The following NEK10 variants were observed in gnomAD, a reference collection of about 807,000 sequenced individuals.
The protein encoded by NEK10 is NIMA related kinase 10, also known as serine/threonine-protein kinase Nek10.
A neutral mutation model predicts 159.8 loss-of-function variants in NEK10; 122 were observed. That is an observed-to-expected ratio of 0.76 (90% CI 0.66 to 0.89). The LOEUF (loss-of-function observed/expected upper bound fraction) is 0.89, where lower values mean the gene tolerates loss of function less well. Among genes scored for constraint, NEK10 ranks in the 40% least tolerant of loss-of-function variants. The pLI, the probability that NEK10 is intolerant of heterozygous loss-of-function variation, is 0.00. For missense variants in NEK10, 1,342 were observed against 1,323.1 expected, an observed-to-expected ratio of 1.01 and a Z score of -0.22; for synonymous variants, 466 against 457.1, an observed-to-expected ratio of 1.02 and a Z score of -0.25.
At chr3:27,170,112 C>T (rs1946818257) in intron 29 of NEK10, among the ~76,000 whole-genome samples, 1 of 152,174 alleles carries the variant, frequency 6.6e-6, no homozygotes. Flanking sequence ...CCCCCTGTCA[C>T]ATAAGTTAGC....
At chr3:27,166,221 T>C (rs1431652462) in intron 29 of NEK10, among the ~76,000 whole-genome samples, 1 of 152,220 alleles carries the variant, frequency 6.6e-6, no homozygotes, top group Non-Finnish European at 1.5e-5. Context: ...CTCCTATTTA[T>C]CTATAATGTT....
chr3:27,292,395 T>C (rs1420450000), intron 16 of NEK10, among the ~76,000 whole-genome samples: 2 of 152,048 alleles, frequency 1.3e-5, no homozygotes, highest in African/African-American at 2.4e-5. Flanking sequence ...TAAATAAAAG[T>C]TTCATGAAAA....
intron 5 of NEK10, among the ~76,000 whole-genome samples, chr3:27,328,567 T>C (rs969082868): frequency 1.3e-5 from 2 of 152,054 alleles, no homozygotes; most frequent in Non-Finnish European, 2.9e-5. Context: ...TGAGCAAAGA[T>C]AGAGCAATAG....
intron 15 of NEK10, among the ~76,000 whole-genome samples, chr3:27,294,118 T>C (rs2043182609): frequency 6.6e-6 from 1 of 152,242 alleles, no homozygotes; most frequent in East Asian, 1.9e-4. Context: ...CTTGACAAAT[T>C]GGTCTCTTGA....
In NEK10 at chr3:27,295,596, A is replaced by G; in HGVS notation, c.1308+17T>C. 1 of 1,548,122 alleles carries G rather than the reference A, an allele frequency of 6.5e-7. No homozygotes were observed. The highest frequency in any genetic ancestry group is 8.7e-7 in the Non-Finnish European group (1 of 1,145,308). On this transcript the variant is annotated intron_variant, in intron 15 of 35. Transcript: ENST00000691995. ...TTCAATAACTTGATACTGAAGGACA[A>G]GAGACATGTTTATTACCTGTAATAG...
intron 9 of NEK10, 75 bp from the exon 10 acceptor site, chr3:27,309,080 A>G: frequency 1.4e-6 from 1 of 712,454 alleles, no homozygotes; most frequent in Non-Finnish European, 2.4e-6. Flanking sequence ...ACATTAATTT[A>G]TTTTCCATTA....
chr3:27,238,082 C>T (rs1456446207), intron 23 of NEK10, among the ~76,000 whole-genome samples: 2 of 152,110 alleles, frequency 1.3e-5, no homozygotes, highest in Non-Finnish European at 2.9e-5. Context: ...GCTAACTTTG[C>T]CACAGATAAC....
intron 13 of NEK10, among the ~76,000 whole-genome samples, chr3:27,298,819 C>T (rs145920254): frequency 6.6e-6 from 1 of 152,136 alleles, no homozygotes; most frequent in East Asian, 1.9e-4. Flanking sequence ...GCATTTTGCC[C>T]CTGCCCTAGA....
At chr3:27,311,135 A>G (rs2149592411) in intron 8 of NEK10, 119 bp from the exon 9 acceptor site, 1 of 587,012 alleles carries the variant, frequency 1.7e-6, no homozygotes, top group African/African-American at 1.9e-5. Context: ...AACACAGCAC[A>G]AAAGGAACAA....
At chr3:27,131,834 A>T in intron 32 of NEK10, 46 bp downstream of exon 32, 1 of 1,033,574 alleles carries the variant, frequency 9.7e-7, no homozygotes, top group Non-Finnish European at 1.5e-6. Context: ...ACCTCTTATG[A>T]TGTGGTTTTG....
chr3:27,237,958 TG>T (rs1313918602), intron 23 of NEK10, among the ~76,000 whole-genome samples: 1 of 152,146 alleles, frequency 6.6e-6, no homozygotes, highest in African/African-American at 2.4e-5. Flanking sequence ...AGAAGATTAG[TG>T]AGCTGCATAC....
intron 23 of NEK10, among the ~76,000 whole-genome samples, chr3:27,249,707 C>T (rs984402582): frequency 1.3e-5 from 2 of 152,114 alleles, no homozygotes; most frequent in Non-Finnish European, 2.9e-5. Context: ...GAGTTTCATC[C>T]ATTTACATTC....
At chr3:27,164,427 A>C (rs1946298195) in intron 29 of NEK10, among the ~76,000 whole-genome samples, 1 of 152,220 alleles carries the variant, frequency 6.6e-6, no homozygotes, top group East Asian at 1.9e-4. Flanking sequence ...ATCAAACATA[A>C]TTTTAAGTTT....
intron 29 of NEK10, 114 bp downstream of exon 29, chr3:27,171,705 C>T: frequency 9.7e-7 from 1 of 1,025,828 alleles, no homozygotes; most frequent in Non-Finnish European, 1.4e-6. Context: ...TAAGCTCTAA[C>T]TCCTATTTCC....
chr3:27,346,578 C>A (rs1205637541), intron 3 of NEK10, among the ~76,000 whole-genome samples: 1 of 152,146 alleles, frequency 6.6e-6, no homozygotes, highest in Non-Finnish European at 1.5e-5. Context: ...GGGGTGACAC[C>A]TGGGCATCAG....
Position 27,290,232 on chromosome 3 carries a change from A to C in NEK10, c.1743+385T>G, listed in dbSNP as rs1166802925. ...AATAAAGTCATATTTGAGGAATGTT[A>C]ACAGCTTGGTTCCATTTGGCAAAAG... is the stretch of plus-strand genomic sequence containing the variant. On this transcript the variant is annotated intron_variant, in intron 19 of 35. Coordinates refer to ENST00000691995, the MANE Select transcript of NEK10 (RefSeq NM_001394966.1). 2.0e-5 allele frequency among the ~76,000 whole-genome samples: 3 copies of C among 152,254 alleles called. No homozygotes were observed. The East Asian group carries it at 5.8e-4, about 29-fold the overall frequency.
intron 5 of NEK10, among the ~76,000 whole-genome samples, chr3:27,338,791 T>A (rs1346388783): frequency 6.6e-6 from 1 of 152,232 alleles, no homozygotes; most frequent in Non-Finnish European, 1.5e-5. Context: ...TCTTGTAAAT[T>A]TGTTGGAATT....
rs897971711 is a variant in NEK10 at position 27,107,519 on chromosome 3, G to A, written c.*3753C>T. Among the ~76,000 whole-genome samples, 16 of 152,006 alleles carry A rather than the reference G, an allele frequency of 1.1e-4. No homozygotes were observed. The highest frequency in any genetic ancestry group is 3.9e-4 in the African/African-American group (16 of 41,384). ...CCAAAGCTGTCAGTTCCTACAAAAGGATAATTAATTTAATCTCAAAGATAT... is the reference window on the plus strand; with the variant it reads ...CCAAAGCTGTCAGTTCCTACAAAAGAATAATTAATTTAATCTCAAAGATAT... On this transcript the variant is annotated 3_prime_UTR_variant, in exon 36 of 36. Transcript: ENST00000691995.
intron 1 of NEK10, among the ~76,000 whole-genome samples, chr3:27,361,214 T>C (rs2048661510): frequency 6.6e-6 from 1 of 152,246 alleles, no homozygotes; most frequent in Non-Finnish European, 1.5e-5. Flanking sequence ...CAGATATAAA[T>C]GTAGGTTCTG....
Sources: allele counts gnomAD v4.1 joint callset (sites outside exome capture counted in the v4.1 genomes callset), GRCh38; gene constraint gnomAD v4.1.1; transcripts MANE v1.5; gene names NCBI Gene and HGNC (gene_info 2026-07-23, HGNC 2026-07-21).